ZNF536: variants seen among roughly 807,000 people sequenced by gnomAD.
ZNF536 encodes the protein zinc finger protein 536.
A neutral mutation model predicts 84.5 loss-of-function variants in ZNF536; 13 were observed. The ratio of observed to expected loss-of-function variants is 0.15; its 90% CI spans 0.10 to 0.24. The LOEUF is 0.24. ZNF536 is among the 10% of genes least tolerant of loss of function. ZNF536 has a pLI of 1.00. For missense variants in ZNF536, 1,536 were observed against 1,747.5 expected, an observed-to-expected ratio of 0.88 and a Z score of 2.16; for synonymous variants, 811 against 742.5, an observed-to-expected ratio of 1.09 and a Z score of -1.50.
intron 2 of ZNF536, among the ~76,000 whole-genome samples, chr19:30,339,629 G>A (rs2047499552): frequency 6.6e-6 from 1 of 152,176 alleles, no homozygotes; most frequent in South Asian, 2.1e-4. Flanking sequence ...TTTCCCAGAT[G>A]GACACCTCCA....
At chr19:30,426,124 G>A (rs1418965726) in intron 1 of ZNF536, among the ~76,000 whole-genome samples, 9 of 152,302 alleles carry the variant, frequency 5.9e-5, no homozygotes, top group African/African-American at 2.2e-4. Flanking sequence ...CCCCTGAGGA[G>A]CTACAAACAG....
At chr19:30,641,089 T>C (rs2049251130) in intron 1 of ZNF536, among the ~76,000 whole-genome samples, 1 of 152,210 alleles carries the variant, frequency 6.6e-6, no homozygotes, top group African/African-American at 2.4e-5. Flanking sequence ...AATATTTAAA[T>C]AAAACATTTT....
chr19:30,617,457 T>A (rs2048343595), intron 1 of ZNF536, among the ~76,000 whole-genome samples: 1 of 145,374 alleles, frequency 6.9e-6, no homozygotes, highest in African/African-American at 2.5e-5. Context: ...TTCACACCAT[T>A]CTCCTGCCTC....
intron 1 of ZNF536, among the ~76,000 whole-genome samples, chr19:30,647,555 T>G (rs970290992): frequency 6.6e-6 from 1 of 152,266 alleles, no homozygotes; most frequent in African/African-American, 2.4e-5. Flanking sequence ...TGTCTGTTGC[T>G]GGCATCTGCT....
At chr19:30,267,173 TC>T (rs887872055) in intron 1 of ZNF536, among the ~76,000 whole-genome samples, 15 of 152,240 alleles carry the variant, frequency 9.9e-5, no homozygotes, top group Non-Finnish European at 8.8e-5. Flanking sequence ...GCTGTGCTGT[TC>T]TCTGCAAATT....
intron 1 of ZNF536, among the ~76,000 whole-genome samples, chr19:30,633,891 A>G (rs1487049530): frequency 6.6e-6 from 1 of 151,564 alleles, no homozygotes; most frequent in Non-Finnish European, 1.5e-5. Flanking sequence ...GATTTTAAAC[A>G]CCCCCTAAGG....
At chr19:30,253,667 C>T (rs969567355) in intron 1 of ZNF536, among the ~76,000 whole-genome samples, 3 of 152,138 alleles carry the variant, frequency 2.0e-5, no homozygotes, top group Non-Finnish European at 4.4e-5. Flanking sequence ...CTGTGTGTGC[C>T]CCGGCTGGGC....
chr19:30,711,283 T>C (rs780344406), exon 2 of ZNF536: 1 of 152,138 alleles, frequency 6.6e-6, no homozygotes, highest in Non-Finnish European at 1.5e-5. Context: ...CCCTCTGAGC[T>C]GGAGAGAGCT....
intron 2 of ZNF536, among the ~76,000 whole-genome samples, chr19:30,524,119 G>T (rs993000192): frequency 6.6e-6 from 1 of 152,144 alleles, no homozygotes; most frequent in Non-Finnish European, 1.5e-5. Context: ...CCTCCATGCC[G>T]CCCTAATAGA....
chr19:30,336,123 G>A (rs1344964094), intron 2 of ZNF536, among the ~76,000 whole-genome samples: 2 of 152,200 alleles, frequency 1.3e-5, no homozygotes, highest in Non-Finnish European at 1.5e-5. Flanking sequence ...CCTACTGAGC[G>A]CAGACTGTAT....
At chr19:30,556,954 C>G in intron 4 of ZNF536, 1 of 565,188 alleles carries the variant, frequency 1.8e-6, no homozygotes, top group Non-Finnish European at 3.2e-6. Flanking sequence ...TCAACAGCAC[C>G]TCTACGTCTA....
At chr19:30,368,946 C>A (rs2048525087), upstream of ZNF536, among the ~76,000 whole-genome samples, 2 of 152,166 alleles carry the variant, frequency 1.3e-5, no homozygotes, top group African/African-American at 4.8e-5. Flanking sequence ...TTCTTTATAC[C>A]AGCTTGTCTG....
intron 1 of ZNF536, among the ~76,000 whole-genome samples, chr19:30,638,183 G>T (rs73540829): frequency 1.3e-5 from 2 of 152,190 alleles, no homozygotes; most frequent in Non-Finnish European, 2.9e-5. Context: ...AGGCCAGGGT[G>T]GCTGGTCTTT....
chr19:30,326,915 C>G (rs949469183), intron 2 of ZNF536, among the ~76,000 whole-genome samples: 17 of 145,516 alleles, frequency 1.2e-4, no homozygotes, highest in African/African-American at 4.3e-4. Context: ...TGAGACCAGT[C>G]TGGGCAACAT....
chr19:30,634,664 C>G (rs1271616218), intron 1 of ZNF536, among the ~76,000 whole-genome samples: 2 of 152,154 alleles, frequency 1.3e-5, no homozygotes, highest in African/African-American at 2.4e-5. Flanking sequence ...GTCCTCTCCA[C>G]TTAATGCCGG....
rs79971318 is a variant in ZNF536 at position 30,444,294 on chromosome 19, T to C, written c.732T>C (p.Ala244=). The change falls in exon 2 of 5, where the codon GCT becomes GCC. Residue 244 remains alanine, a synonymous_variant. Coordinates refer to ENST00000355537, the MANE Select transcript of ZNF536 (RefSeq NM_014717.3). ...CCGCCTGCACCCTGGCCCTGCAGGCTAACCACAGCGTTCCCGACGTGGCCC... is the reference window on the plus strand; with the variant it reads ...CCGCCTGCACCCTGGCCCTGCAGGCCAACCACAGCGTTCCCGACGTGGCCC... The part of the protein sequence containing the change: ...PLAACTLALQ[A]NHSVPDVAHP... 1.8e-3 allele frequency: 2,896 copies of C among 1,577,406 alleles called. 33 individuals are homozygous for C. In the African/African-American group the frequency reaches 0.027, roughly 15 times the overall value.
chr19:30,300,230 C>CA (rs566199032), intron 2 of ZNF536, among the ~76,000 whole-genome samples: 116 of 152,286 alleles, frequency 7.6e-4, no homozygotes, highest in Middle Eastern at 6.8e-3. Flanking sequence ...ACCTGTTGTC[C>CA]ATCCCAATTC....
chr19:30,290,796 C>A (rs990065018), intron 2 of ZNF536, among the ~76,000 whole-genome samples: 2 of 152,162 alleles, frequency 1.3e-5, no homozygotes, highest in Non-Finnish European at 2.9e-5. Flanking sequence ...AGGTTTTAAG[C>A]CCTGCATGTA....
chr19:30,476,604 G>A (rs1599507787), intron 2 of ZNF536, among the ~76,000 whole-genome samples: 1 of 152,268 alleles, frequency 6.6e-6, no homozygotes, highest in Non-Finnish European at 1.5e-5. Flanking sequence ...TTCCTCTATT[G>A]GCCTGACTTT....
Sources: allele counts gnomAD v4.1 joint callset (sites outside exome capture counted in the v4.1 genomes callset), GRCh38; gene constraint gnomAD v4.1.1; transcripts MANE v1.5; gene names NCBI Gene and HGNC (gene_info 2026-07-23, HGNC 2026-07-21).